The following THRAP3 variants were observed in gnomAD, a reference collection of about 807,000 sequenced individuals.
The protein encoded by THRAP3 is thyroid hormone receptor-associated protein 3.
A neutral mutation model predicts 101.0 loss-of-function variants in THRAP3; 16 were observed. The ratio of observed to expected loss-of-function variants is 0.16; its 90% CI spans 0.11 to 0.24. The LOEUF is 0.24. Ranked by LOEUF, THRAP3 falls within the 10% of genes least tolerant of loss-of-function variation. The probability of loss-of-function intolerance (pLI) is 1.00; values close to 1 mark genes in which losing one functional copy is unlikely to be tolerated. For synonymous variants in THRAP3, 407 were observed against 422.6 expected (o/e 0.96, Z 0.45); for missense variants, 989 against 1,202.7 (o/e 0.82, Z 2.63).
At position 36,304,909 on chromosome 1, in the gene THRAP3, T is replaced by C. The variant is rs1557464999; in HGVS notation, c.*892T>C. 1 of 206,704 alleles carries C rather than the reference T, an allele frequency of 4.8e-6. No homozygotes were observed. The highest frequency in any genetic ancestry group is 9.9e-6 in the Non-Finnish European group (1 of 101,070). 12.8% of individuals were successfully genotyped at this position (206,704 alleles called of 1,614,324 possible). Reference sequence around the variant, plus strand: ...CAAATATGAGAAAATTTTTTCAATATTTTTTATTAATCTTTTTATAAAATG... The same window carrying C: ...CAAATATGAGAAAATTTTTTCAATACTTTTTATTAATCTTTTTATAAAATG... On this transcript the variant is annotated 3_prime_UTR_variant, in exon 12 of 12. Coordinates refer to ENST00000354618, the MANE Select transcript of THRAP3 (RefSeq NM_005119.4).
chr1:36,298,279 TAAAG>T (rs1311334512), intron 9 of THRAP3, among the ~76,000 whole-genome samples: 2 of 151,956 alleles, frequency 1.3e-5, no homozygotes, highest in East Asian at 1.9e-4. Context: ...CGCCCATAGA[TAAAG>T]AACCTGCGAA....
chr1:36,302,233 C>G (rs759529531), intron 11 of THRAP3, among the ~76,000 whole-genome samples: 3 of 152,202 alleles, frequency 2.0e-5, no homozygotes, highest in Non-Finnish European at 4.4e-5. Context: ...CTTGAGTGAG[C>G]TCTCTTGGCC....
rs766418675 is a variant in THRAP3 at position 36,292,675 on chromosome 1, G to A, written c.1996G>A (p.Ala666Thr). 1.2e-6 allele frequency: 2 copies of A among 1,613,594 alleles called. No homozygotes were observed. Among genetic ancestry groups the A allele is most frequent in the South Asian group, 2.2e-5 (2 of 90,978 alleles). The change falls in exon 7 of 12, where the codon GCA (alanine) becomes ACA (threonine). Residue 666 changes from alanine (A) to threonine (T), a missense_variant. Coordinates refer to ENST00000354618, the MANE Select transcript of THRAP3 (RefSeq NM_005119.4). The stretch of plus-strand genomic sequence containing the variant: ...CCTAAAGAGAGGAACTGAGCAGGAG[G>A]CAGCCAAAAACAAGAAAAGCCCAGA... ...KYLKRGTEQE[A>T]AKNKKSPEIH...
chr1:36,253,772 T>TTTTTTTTTTTTTTG (rs1645338977), intron 1 of THRAP3, among the ~76,000 whole-genome samples: 2 of 145,228 alleles, frequency 1.4e-5, no homozygotes, highest in African/African-American at 5.1e-5. Flanking sequence ...TTTTTTTTTT[T>TTTTTTTTTTTTTTG]TTTTTTTAGT....
chr1:36,286,285 C>T lies in THRAP3; in HGVS notation c.138-83C>T. 7.2e-7 allele frequency: 1 copy of T among 1,379,882 alleles called. No individual in the cohort carries two copies. Among genetic ancestry groups the T allele is most frequent in the Non-Finnish European group, 9.9e-7 (1 of 1,011,662 alleles). The allele number at this position is 1,379,882 out of a possible 1,614,324, so 85.5% of individuals were successfully genotyped here. Reference sequence around the variant, plus strand: ...ACTGAAAGTGAATGACACATAAGGGCAGGGATTTCAGAACAGATTTTTCTT... The same window carrying T: ...ACTGAAAGTGAATGACACATAAGGGTAGGGATTTCAGAACAGATTTTTCTT... On this transcript the variant is annotated intron_variant, in intron 3 of 11. Coordinates refer to ENST00000354618, the MANE Select transcript of THRAP3 (RefSeq NM_005119.4). The surrounding 1 kb of genome is among the most constrained non-coding windows in gnomAD (Gnocchi z 5.5).
At chr1:36,264,580 C>T (rs139154715) in intron 2 of THRAP3, among the ~76,000 whole-genome samples, 51 of 152,258 alleles carry the variant, frequency 3.3e-4, no homozygotes, top group African/African-American at 1.1e-3. Context: ...ACCTTAGTGC[C>T]CCTCTTGAAG....
Position 36,304,924 on chromosome 1 carries a change from T to G in THRAP3, c.*907T>G. 4.8e-6 allele frequency: 1 copy of G among 207,738 alleles called. No homozygotes were observed. The highest frequency in any genetic ancestry group is 7.1e-5 in the East Asian group (1 of 14,006). 12.9% of individuals were successfully genotyped at this position (207,738 alleles called of 1,614,324 possible). A position where few individuals can be genotyped will look rare whatever the true frequency, so the allele number is the denominator to read the frequency against. On this transcript the variant is annotated 3_prime_UTR_variant, in exon 12 of 12. Transcript: ENST00000354618. ...TTTTTCAATATTTTTTATTAATCTT[T>G]TTATAAAATGAAAAGAAACTCCTAT...
upstream of THRAP3, among the ~76,000 whole-genome samples, chr1:36,222,530 C>T (rs150098101): frequency 0.026 from 3,882 of 152,054 alleles, 72 homozygotes; most frequent in Non-Finnish European, 0.04. Flanking sequence ...TCTCAGCCTC[C>T]TGAGTAGCTG....
At position 36,305,125 on chromosome 1, in the gene THRAP3, G is replaced by C. The variant is rs1646085351; in HGVS notation, c.*1108G>C. The C allele has an allele frequency of 4.6e-6, 1 of 216,836 alleles. No homozygotes were observed. The highest frequency in any genetic ancestry group is 9.3e-6 in the Non-Finnish European group (1 of 107,780). 13.4% of individuals were successfully genotyped at this position (216,836 alleles called of 1,614,324 possible). A position where few individuals can be genotyped will look rare whatever the true frequency, so the allele number is the denominator to read the frequency against. Reference sequence around the variant, plus strand: ...GCTTGCCTTCTGGGGAGGCGGTCCTGAGCAGGTGAATCATAAGGCATTTAT... The same window carrying C: ...GCTTGCCTTCTGGGGAGGCGGTCCTCAGCAGGTGAATCATAAGGCATTTAT... On this transcript the variant is annotated 3_prime_UTR_variant, in exon 12 of 12. Coordinates refer to ENST00000354618, the MANE Select transcript of THRAP3 (RefSeq NM_005119.4).
At chr1:36,216,647 A>C in the THRAP3 span, among the ~76,000 whole-genome samples, 1 of 152,006 alleles carries the variant, frequency 6.6e-6, no homozygotes, top group Non-Finnish European at 1.5e-5. Flanking sequence ...ATAGCTGAGC[A>C]TGGTGGTGCA....
intron 9 of THRAP3, among the ~76,000 whole-genome samples, chr1:36,300,382 A>G (rs1349001567): frequency 6.6e-6 from 1 of 152,218 alleles, no homozygotes; most frequent in Non-Finnish European, 1.5e-5. Context: ...ATTGTCCTTT[A>G]CTGCATGCCA....
chr1:36,292,718 C>G lies in THRAP3; in HGVS notation c.2030+9C>G. The G allele has an allele frequency of 6.3e-7, 1 of 1,591,540 alleles. No individual in the cohort carries two copies. On this transcript the variant is annotated intron_variant, in intron 7 of 11. Transcript: ENST00000354618. ...AGCCCAGAGATACACAGGTAAGGAC[C>G]ATGGCCTTATACTGGAGGTTGTAAT... is the stretch of plus-strand genomic sequence containing the variant.
chr1:36,294,036 G>T, intron 8 of THRAP3, 101 bp downstream of exon 8: 1 of 1,528,852 alleles, frequency 6.5e-7, no homozygotes, highest in Non-Finnish European at 8.8e-7. Context: ...TTAAGTTTGT[G>T]TTTTTCTTTT....
upstream of THRAP3, among the ~76,000 whole-genome samples, chr1:36,224,132 C>T (rs954604855): frequency 1.3e-5 from 2 of 152,226 alleles, no homozygotes; most frequent in African/African-American, 2.4e-5. Context: ...TCCCTCCAGG[C>T]TGGTTCCAAA....
intron 1 of THRAP3, among the ~76,000 whole-genome samples, chr1:36,235,556 T>TACA (rs1645075152): frequency 1.3e-5 from 2 of 152,190 alleles, no homozygotes; most frequent in African/African-American, 4.8e-5. Flanking sequence ...GAGATACAGA[T>TACA]GAAATTGAGA....
At chr1:36,288,520 A>G (rs1645824979) in intron 4 of THRAP3, 16 of 985,306 alleles carry the variant, frequency 1.6e-5, no homozygotes, top group South Asian at 1.4e-4. Flanking sequence ...CCCCATTAAC[A>G]TGTATTTTGT....
At position 36,287,266 on chromosome 1, in the gene THRAP3, A is replaced by G; in HGVS notation, c.1036A>G (p.Lys346Glu). Residue 346 changes from lysine (K) to glutamate (E), a missense_variant, in exon 4 of 12, where the codon AAG becomes GAG. Transcript: ENST00000354618. ...TGCTTCAGGAGGAGCAGCCTATACAAAGAGGCAAGTATCTCATTTCCCCTG... is the reference window on the plus strand; with the variant it reads ...TGCTTCAGGAGGAGCAGCCTATACAGAGAGGCAAGTATCTCATTTCCCCTG... Reference protein sequence around the residue: ...SAASGGAAYTKRYLEEQKTEN... With the variant: ...SAASGGAAYTERYLEEQKTEN... The G allele has an allele frequency of 6.3e-7, 1 of 1,596,906 alleles. No individual in the cohort carries two copies. Among genetic ancestry groups the G allele is most frequent in the East Asian group, 2.2e-5 (1 of 44,670 alleles).
chr1:36,274,007 C>A (rs1226812093), intron 2 of THRAP3, among the ~76,000 whole-genome samples: 1 of 149,782 alleles, frequency 6.7e-6, no homozygotes, highest in Non-Finnish European at 1.5e-5. Context: ...CACGCCACTG[C>A]ACTCCATCCT....
chr1:36,287,405 C>T lies in THRAP3; in HGVS notation c.1040+135C>T. Reference sequence around the variant, plus strand: ...ATTTCCTAGACTTTTCGTTAGTAAACATTAAAAGCATCACCCAAGGAAACC... The same window carrying T: ...ATTTCCTAGACTTTTCGTTAGTAAATATTAAAAGCATCACCCAAGGAAACC... On this transcript the variant is annotated intron_variant, in intron 4 of 11. Coordinates refer to ENST00000354618, the MANE Select transcript of THRAP3 (RefSeq NM_005119.4). The T allele has an allele frequency of 7.2e-6, 10 of 1,386,048 alleles. 1 individual carries two copies. The South Asian group carries it at 1.4e-4, about 19-fold the overall frequency. The allele number at this position is 1,386,048 out of a possible 1,614,324, so 85.9% of individuals were successfully genotyped here. A position where few individuals can be genotyped will look rare whatever the true frequency, so the allele number is the denominator to read the frequency against.
Sources: gnomAD v4.1 joint callset for allele counts (sites outside exome capture counted in the v4.1 genomes callset) on GRCh38, gnomAD v4.1.1 for gene constraint, Gnocchi (gnomAD v3.1) non-coding constraint, MANE v1.5 for transcripts, NCBI Gene and HGNC (gene_info 2026-07-23, HGNC 2026-07-21) for gene names.